METTL15: variants seen among roughly 807,000 people sequenced by gnomAD.
METTL15 encodes the protein 12S rRNA N(4)-cytidine methyltransferase METTL15.
Under a neutral mutation model 38.3 loss-of-function variants are expected in METTL15, and 34 were observed. The ratio of observed to expected loss-of-function variants is 0.89; its 90% CI spans 0.68 to 1.18. METTL15 has a LOEUF of 1.18. Among genes scored for constraint, METTL15 ranks in the 50% most tolerant of loss-of-function variants. The pLI is 0.00. For missense variants in METTL15, 438 were observed against 498.4 expected, an observed-to-expected ratio of 0.88 and a Z score of 1.15; for synonymous variants, 162 against 170.9, an observed-to-expected ratio of 0.95 and a Z score of 0.41.
chr11:28,461,506 C>A (rs1403380928), intron 6 of METTL15, among the ~76,000 whole-genome samples: 1 of 151,886 alleles, frequency 6.6e-6, no homozygotes, highest in African/African-American at 2.4e-5. Context: ...GAAATCCTGT[C>A]TGTTATACAA....
At chr11:28,246,803 G>C (rs919695260) in intron 4 of METTL15, among the ~76,000 whole-genome samples, 1 of 152,120 alleles carries the variant, frequency 6.6e-6, no homozygotes, top group Non-Finnish European at 1.5e-5. Flanking sequence ...TTTGAGAACT[G>C]CACTGTCCAA....
intron 4 of METTL15, among the ~76,000 whole-genome samples, chr11:28,278,244 C>G (rs769614368): frequency 2.0e-4 from 30 of 152,132 alleles, no homozygotes; most frequent in Admixed American, 5.2e-4. Context: ...AATTTAAGCA[C>G]AGAGGAAGTA....
intron 3 of METTL15, among the ~76,000 whole-genome samples, chr11:28,340,367 C>T (rs372925455): frequency 5.9e-5 from 9 of 152,172 alleles, no homozygotes; most frequent in African/African-American, 1.9e-4. Flanking sequence ...CTAAAAGAAA[C>T]TATCATCAGA....
intron 6 of METTL15, among the ~76,000 whole-genome samples, chr11:28,309,365 G>C (rs1464306125): frequency 4.0e-5 from 6 of 151,898 alleles, no homozygotes; most frequent in Admixed American, 3.9e-4. Context: ...TTTTTCTCTT[G>C]GTCTATACCT....
At chr11:28,434,054 GA>G (rs1249280494) in intron 6 of METTL15, among the ~76,000 whole-genome samples, 2 of 152,152 alleles carry the variant, frequency 1.3e-5, no homozygotes, top group African/African-American at 4.8e-5. Context: ...ATCTCATCTT[GA>G]ATTGTAGTTT....
intron 3 of METTL15, among the ~76,000 whole-genome samples, chr11:28,346,690 A>G (rs117933257): frequency 5.1e-4 from 77 of 152,302 alleles, no homozygotes; most frequent in Non-Finnish European, 7.5e-4. Flanking sequence ...AACAATAACA[A>G]TGTTTAAGAA....
chr11:28,113,910 G>A (rs1851831069), intron 3 of METTL15, among the ~76,000 whole-genome samples: 2 of 152,146 alleles, frequency 1.3e-5, no homozygotes, highest in African/African-American at 4.8e-5. Context: ...TAAGTGTTCT[G>A]AGCATGTTTA....
intron 5 of METTL15, among the ~76,000 whole-genome samples, chr11:28,379,373 T>C (rs1178068144): frequency 6.6e-6 from 1 of 152,166 alleles, no homozygotes; most frequent in Non-Finnish European, 1.5e-5. Flanking sequence ...TAGTACATCA[T>C]TTGCTGTATC....
intron 4 of METTL15, among the ~76,000 whole-genome samples, chr11:28,280,863 A>G (rs10835306): frequency 0.38 from 57,274 of 150,582 alleles, 12,382 homozygotes; most frequent in African/African-American, 0.6. Context: ...TATTTTATTT[A>G]ACTGTTTTCT....
intron 3 of METTL15, among the ~76,000 whole-genome samples, chr11:28,348,749 G>C (rs573506357): frequency 1.3e-5 from 2 of 151,456 alleles, no homozygotes; most frequent in Admixed American, 6.6e-5. Flanking sequence ...TATCATTGGG[G>C]TACTAGATTA....
At chr11:28,390,285 A>G (rs1048933693) in intron 5 of METTL15, among the ~76,000 whole-genome samples, 1 of 150,882 alleles carries the variant, frequency 6.6e-6, no homozygotes, top group African/African-American at 2.4e-5. Flanking sequence ...TTGGTGTTTT[A>G]GACATGAAGT....
chr11:28,125,463 G>A (rs528674779), intron 3 of METTL15: 1 of 151,942 alleles, frequency 6.6e-6, no homozygotes, highest in East Asian at 1.9e-4. Flanking sequence ...GGATAAACGA[G>A]TATCCATCCA....
chr11:28,333,417 T>A lies in METTL15; in HGVS notation c.*2576T>A, dbSNP rs1849868717. On this transcript the variant is annotated 3_prime_UTR_variant, in exon 7 of 7. Coordinates refer to ENST00000407364, the MANE Select transcript of METTL15 (RefSeq NM_001113528.2). ...GTTTTAAATGGTTAGCTTTGGAGAA[T>A]GGTTTTGGGAAGTTCCTACAGTACA... 1 of 152,178 alleles carries A rather than the reference T, an allele frequency of 6.6e-6. No individual in the cohort carries two copies. The highest frequency in any genetic ancestry group is 2.4e-5 in the African/African-American group (1 of 41,442). The allele number at this position is 152,178 out of a possible 1,614,324, so 9.4% of individuals were successfully genotyped here.
intron 3 of METTL15, among the ~76,000 whole-genome samples, chr11:28,197,064 C>A (rs963589168): frequency 6.6e-6 from 1 of 151,604 alleles, no homozygotes; most frequent in African/African-American, 2.4e-5. Context: ...ATCTGTTAAG[C>A]TGTTTTTTTT....
At chr11:28,238,429 C>A (rs958491139) in intron 4 of METTL15, among the ~76,000 whole-genome samples, 1 of 152,206 alleles carries the variant, frequency 6.6e-6, no homozygotes, top group East Asian at 1.9e-4. Context: ...GTTATAATCT[C>A]CTGGTGCGCC....
intron 4 of METTL15, among the ~76,000 whole-genome samples, chr11:28,222,555 C>G (rs1853289849): frequency 1.3e-5 from 2 of 152,310 alleles, no homozygotes; most frequent in Admixed American, 1.3e-4. Flanking sequence ...GCTTCATCCA[C>G]TGTCCTGCAC....
chr11:28,350,870 T>A (rs188053765), intron 3 of METTL15, among the ~76,000 whole-genome samples: 1 of 152,308 alleles, frequency 6.6e-6, no homozygotes, highest in Non-Finnish European at 1.5e-5. Flanking sequence ...AACTCCCACA[T>A]AGACATTCTT....
At chr11:28,133,877 T>C (rs2133639879) in intron 3 of METTL15, among the ~76,000 whole-genome samples, 1 of 152,258 alleles carries the variant, frequency 6.6e-6, no homozygotes, top group Non-Finnish European at 1.5e-5. Flanking sequence ...ATATATTTGG[T>C]TTAAGCCACT....
At chr11:28,416,332 A>T (rs1488311689) in intron 5 of METTL15, among the ~76,000 whole-genome samples, 1 of 152,106 alleles carries the variant, frequency 6.6e-6, no homozygotes, top group Non-Finnish European at 1.5e-5. Context: ...GGAGTGGGAC[A>T]CTCTGAGAAA....
Sources: allele counts gnomAD v4.1 joint callset (sites outside exome capture counted in the v4.1 genomes callset), GRCh38; gene constraint gnomAD v4.1.1; transcripts MANE v1.5; gene names NCBI Gene and HGNC (gene_info 2026-07-23, HGNC 2026-07-21).